The following FARS2 variants were observed in gnomAD, a reference collection of about 807,000 sequenced individuals.
FARS2 encodes phenylalanine--tRNA ligase, mitochondrial.
FARS2 carries 40 observed loss-of-function variants against 46.4 expected under a neutral mutation model. That is an observed-to-expected ratio of 0.86 (90% CI 0.67 to 1.12). FARS2 has a LOEUF of 1.12. FARS2 is among the 50% of genes most tolerant of loss of function. The probability of loss-of-function intolerance (pLI) is 0.00; values close to 1 mark genes in which losing one functional copy is unlikely to be tolerated. For missense variants in FARS2, 513 were observed against 567.9 expected (o/e 0.90, Z 0.98); for synonymous variants, 234 against 214.9 (o/e 1.09, Z -0.78).
chr6:5,351,771 T>C (rs1757591685), intron 1 of FARS2, among the ~76,000 whole-genome samples: 2 of 152,250 alleles, frequency 1.3e-5, no homozygotes, highest in Non-Finnish European at 2.9e-5. Context: ...TTATCTGTAT[T>C]GTGACCATTG....
intron 6 of FARS2, among the ~76,000 whole-genome samples, chr6:5,643,533 G>A (rs960825880): frequency 5.3e-5 from 8 of 152,196 alleles, no homozygotes; most frequent in Admixed American, 5.2e-4. Context: ...ACTGTGTTGG[G>A]CATCAGTGGT....
chr6:5,290,984 T>G (rs1158734257), intron 1 of FARS2: 1 of 152,256 alleles, frequency 6.6e-6, no homozygotes, highest in African/African-American at 2.4e-5. Flanking sequence ...CCTCCCAGAG[T>G]GCTGGGATTA....
chr6:5,418,559 C>T (rs988922534), intron 3 of FARS2, among the ~76,000 whole-genome samples: 4 of 152,186 alleles, frequency 2.6e-5, no homozygotes, highest in Non-Finnish European at 5.9e-5. Context: ...ACTTTATTCC[C>T]TCTAATCCTT....
At chr6:5,297,175 G>A (rs1453224757) in intron 1 of FARS2, among the ~76,000 whole-genome samples, 1 of 152,152 alleles carries the variant, frequency 6.6e-6, no homozygotes, top group Non-Finnish European at 1.5e-5. Context: ...ACCTGAATCT[G>A]AATTTGACTC....
intron 4 of FARS2, among the ~76,000 whole-genome samples, chr6:5,512,010 GGA>G (rs1768487794): frequency 6.6e-6 from 1 of 152,024 alleles, no homozygotes; most frequent in African/African-American, 2.4e-5. Flanking sequence ...TATATTCTAG[GGA>G]CTTCAGCCAA....
At chr6:5,581,628 A>G (rs1178381098) in intron 5 of FARS2, among the ~76,000 whole-genome samples, 8 of 152,300 alleles carry the variant, frequency 5.3e-5, no homozygotes, top group Middle Eastern at 3.4e-3. Context: ...AGGGAGCAAA[A>G]AGAAAGAAGG....
At chr6:5,486,583 G>A (rs1344655262) in intron 4 of FARS2, among the ~76,000 whole-genome samples, 1 of 152,196 alleles carries the variant, frequency 6.6e-6, no homozygotes, top group African/African-American at 2.4e-5. Context: ...AGGAGGGATA[G>A]CCAGTGCTGT....
At chr6:5,542,652 T>G (rs1389722388) in intron 4 of FARS2, among the ~76,000 whole-genome samples, 5 of 152,220 alleles carry the variant, frequency 3.3e-5, no homozygotes, top group Admixed American at 1.3e-4. Context: ...CCCTGGTGGT[T>G]AAGATGGCCC....
At chr6:5,556,777 A>G (rs1192612845) in intron 5 of FARS2, among the ~76,000 whole-genome samples, 1 of 152,188 alleles carries the variant, frequency 6.6e-6, no homozygotes, top group African/African-American at 2.4e-5. Context: ...TGTTAAACAT[A>G]TCCAATATCC....
intron 6 of FARS2, among the ~76,000 whole-genome samples, chr6:5,757,229 T>G (rs1367017387): frequency 1.3e-5 from 2 of 152,176 alleles, no homozygotes; most frequent in African/African-American, 2.4e-5. Context: ...TCACAAAGTT[T>G]GGAAATGGAC....
chr6:5,514,948 G>GTT (rs5873986), intron 4 of FARS2, among the ~76,000 whole-genome samples: 52 of 147,968 alleles, frequency 3.5e-4, no homozygotes, highest in Admixed American at 4.0e-4. Flanking sequence ...TTTGTTTTTT[G>GTT]TTTTTTTTTT....
At chr6:5,399,174 T>TATCATC (rs750807750) in intron 2 of FARS2, among the ~76,000 whole-genome samples, 3 of 67,620 alleles carry the variant, frequency 4.4e-5, no homozygotes, top group African/African-American at 1.2e-4. Context: ...TTATTATTAT[T>TATCATC]ATCATCATCA....
At chr6:5,269,135 A>G (rs533209773) in intron 1 of FARS2, among the ~76,000 whole-genome samples, 2 of 152,358 alleles carry the variant, frequency 1.3e-5, no homozygotes, top group Middle Eastern at 3.4e-3. Context: ...TGGCACATAT[A>G]CACCATGGAA....
intron 4 of FARS2, among the ~76,000 whole-genome samples, chr6:5,445,851 G>A (rs1051428171): frequency 6.6e-6 from 1 of 152,198 alleles, no homozygotes; most frequent in African/African-American, 2.4e-5. Context: ...TAACCTAGGA[G>A]GCTGAAGGAA....
chr6:5,466,684 T>C (rs932418737), intron 4 of FARS2: 1 of 985,322 alleles, frequency 1.0e-6, no homozygotes, highest in Non-Finnish European at 1.2e-6. Flanking sequence ...TTTTCAAACC[T>C]GGGGAGCTGG....
intron 4 of FARS2, among the ~76,000 whole-genome samples, chr6:5,469,713 AG>A (rs2150317846): frequency 6.6e-6 from 1 of 152,368 alleles, no homozygotes; most frequent in African/African-American, 2.4e-5. Flanking sequence ...GCTTCTAAAA[AG>A]ATAAGGTTTG....
chr6:5,340,240 A>G (rs75655523), intron 1 of FARS2, among the ~76,000 whole-genome samples: 5,901 of 152,274 alleles, frequency 0.039, 354 homozygotes, highest in African/African-American at 0.13. Context: ...GTTTTTCCAC[A>G]TGGCTTTGCC....
rs991175018 is a variant in FARS2 at position 5,405,430 on chromosome 6, T to TA, written c.772+730dup. 3.3e-5 allele frequency among the ~76,000 whole-genome samples: 5 copies of TA among 151,268 alleles called. No individual in the cohort carries two copies. The South Asian group carries it at 8.4e-4, about 25-fold the overall frequency. ...TGAAAATATACAGGCTGATTTGGAG[T>TA]ATATTATTATGTTATCATTACATGA... On this transcript the variant is annotated intron_variant, in intron 3 of 6. Coordinates refer to ENST00000274680, the MANE Select transcript of FARS2 (RefSeq NM_006567.5).
At chr6:5,708,359 G>A (rs981266074) in intron 6 of FARS2, among the ~76,000 whole-genome samples, 2 of 151,990 alleles carry the variant, frequency 1.3e-5, no homozygotes, top group African/African-American at 4.8e-5. Flanking sequence ...AGATCCAAGG[G>A]GACCTGTCAC....
Sources: allele counts gnomAD v4.1 joint callset (sites outside exome capture counted in the v4.1 genomes callset), GRCh38; gene constraint gnomAD v4.1.1; transcripts MANE v1.5; gene names NCBI Gene and HGNC (gene_info 2026-07-23, HGNC 2026-07-21).